The following ADARB2 variants were observed in gnomAD, a reference collection of about 807,000 sequenced individuals.
The protein encoded by ADARB2 is adenosine deaminase RNA specific B2 (inactive).
A neutral mutation model predicts 62.2 loss-of-function variants in ADARB2; 25 were observed. That is an observed-to-expected ratio of 0.40 (90% confidence interval 0.29 to 0.56). The LOEUF (loss-of-function observed/expected upper bound fraction) is 0.56, where lower values mean the gene tolerates loss of function less well. Among genes scored for constraint, ADARB2 ranks in the 20% least tolerant of loss-of-function variants. The probability of loss-of-function intolerance (pLI) is 0.43; values close to 1 mark genes in which losing one functional copy is unlikely to be tolerated. For missense variants in ADARB2, 1,071 were observed against 1,077.4 expected, an observed-to-expected ratio of 0.99 and a Z score of 0.08; for synonymous variants, 572 against 500.8, an observed-to-expected ratio of 1.14 and a Z score of -1.90.
intron 1 of ADARB2, among the ~76,000 whole-genome samples, chr10:1,594,387 T>C (rs1238874223): frequency 6.6e-6 from 1 of 152,142 alleles, no homozygotes; most frequent in East Asian, 1.9e-4. Flanking sequence ...CCTGTCCACA[T>C]AGCTGTAGGT....
chr10:1,675,334 AGGTTTG>A (rs1834452486), intron 1 of ADARB2: 1 of 979,532 alleles, frequency 1.0e-6, no homozygotes, highest in Admixed American at 6.4e-5. Flanking sequence ...AATGTTCTGG[AGGTTTG>A]GGTTTGGGGG....
intron 1 of ADARB2, among the ~76,000 whole-genome samples, chr10:1,482,061 G>C (rs931125343): frequency 6.6e-6 from 1 of 152,152 alleles, no homozygotes; most frequent in Non-Finnish European, 1.5e-5. Context: ...ATACCCATGA[G>C]GATGGCTATT....
At chr10:1,461,810 G>C (rs984266991) in intron 1 of ADARB2, among the ~76,000 whole-genome samples, 1 of 152,038 alleles carries the variant, frequency 6.6e-6, no homozygotes, top group Admixed American at 6.6e-5. Flanking sequence ...GACCATCCTG[G>C]CCAACATGGT....
At chr10:1,660,761 G>A (rs1362302635) in intron 1 of ADARB2, among the ~76,000 whole-genome samples, 1 of 152,160 alleles carries the variant, frequency 6.6e-6, no homozygotes, top group African/African-American at 2.4e-5. Context: ...CTTTTGATCC[G>A]CACTGTGTCA....
At chr10:1,708,460 A>G (rs536650231) in intron 1 of ADARB2, among the ~76,000 whole-genome samples, 1 of 152,310 alleles carries the variant, frequency 6.6e-6, no homozygotes, top group African/African-American at 2.4e-5. Context: ...GGAAGTATGA[A>G]TATGTTTGCC....
rs374350736 is a variant in ADARB2 at position 1,538,294 on chromosome 10, C to T, written c.101-159134G>A. Among the ~76,000 whole-genome samples, 23 of 152,336 alleles carry T rather than the reference C, an allele frequency of 1.5e-4. No individual in the cohort carries two copies. The East Asian group carries it at 1.9e-3, about 13-fold the overall frequency. ...AAGGAGGGAGCCCGTGGGTCTGTGCCGGCTGGTGGGTGTCCCACAGGGGTC... is the reference window on the plus strand; with the variant it reads ...AAGGAGGGAGCCCGTGGGTCTGTGCTGGCTGGTGGGTGTCCCACAGGGGTC... On this transcript the variant is annotated intron_variant, in intron 1 of 9. Transcript: ENST00000381312.
rs565802000 is a variant in ADARB2, at chr10:1,185,244, C to T, written c.1865-205G>A. On this transcript the variant is annotated intron_variant, in intron 8 of 9. Transcript: ENST00000381312. ...CGTGGTGGCCGCCTCGGGTCCACGG[C>T]GTCGCTGCACCTGCGTCAACCTTCT... 3.3e-5 allele frequency among the ~76,000 whole-genome samples: 5 copies of T among 152,332 alleles called. No homozygotes were observed. The East Asian group carries it at 5.8e-4, about 18-fold the overall frequency.
intron 1 of ADARB2, among the ~76,000 whole-genome samples, chr10:1,688,866 T>C (rs1013953910): frequency 5.3e-5 from 8 of 152,344 alleles, no homozygotes; most frequent in East Asian, 1.9e-4. Context: ...GACAGAGAGC[T>C]CTTTCCAAAC....
intron 1 of ADARB2, among the ~76,000 whole-genome samples, chr10:1,527,707 A>T (rs368866863): frequency 2.0e-5 from 3 of 152,214 alleles, no homozygotes; most frequent in East Asian, 1.9e-4. Flanking sequence ...CGGGGGTCAG[A>T]TAGTCTATCA....
At chr10:1,277,670 G>T (rs551049295) in intron 3 of ADARB2, among the ~76,000 whole-genome samples, 44 of 152,278 alleles carry the variant, frequency 2.9e-4, no homozygotes, top group African/African-American at 1.0e-3. Context: ...AATTCTACCA[G>T]AGGTAGAAGG....
chr10:1,632,278 CAT>C (rs948044541), intron 1 of ADARB2, among the ~76,000 whole-genome samples: 4 of 152,314 alleles, frequency 2.6e-5, no homozygotes, highest in South Asian at 4.1e-4. Flanking sequence ...ACTACACACA[CAT>C]ATGCACACAC....
intron 1 of ADARB2, among the ~76,000 whole-genome samples, chr10:1,631,994 G>T (rs545955709): frequency 6.6e-6 from 1 of 152,072 alleles, no homozygotes; most frequent in Non-Finnish European, 1.5e-5. Flanking sequence ...GAATGTGTCC[G>T]CTCTTCACAG....
At chr10:1,607,677 C>T (rs1236970258) in intron 1 of ADARB2, among the ~76,000 whole-genome samples, 2 of 152,210 alleles carry the variant, frequency 1.3e-5, no homozygotes, top group African/African-American at 4.8e-5. Flanking sequence ...CCCTAGGGAC[C>T]CTGCCCGCAG....
intron 3 of ADARB2, among the ~76,000 whole-genome samples, chr10:1,304,285 T>G (rs1831604880): frequency 6.6e-6 from 1 of 151,848 alleles, no homozygotes; most frequent in Non-Finnish European, 1.5e-5. Context: ...AGAAGGCCAT[T>G]ACATAATGGT....
intron 1 of ADARB2, among the ~76,000 whole-genome samples, chr10:1,721,147 T>G (rs10903551): frequency 5.9e-5 from 9 of 152,078 alleles, no homozygotes; most frequent in African/African-American, 9.6e-5. Context: ...TTCCTCTGCT[T>G]GAGGGGATGT....
At chr10:1,716,153 G>A (rs74669725) in intron 1 of ADARB2, among the ~76,000 whole-genome samples, 3 of 151,886 alleles carry the variant, frequency 2.0e-5, no homozygotes, top group Non-Finnish European at 2.9e-5. Context: ...CATACTCCTC[G>A]CCCGACTGCT....
chr10:1,215,025 G>A (rs1379600659), intron 7 of ADARB2, among the ~76,000 whole-genome samples: 2 of 152,016 alleles, frequency 1.3e-5, no homozygotes, highest in Admixed American at 1.3e-4. Context: ...AAGCCGGTCT[G>A]TGTAGATCCC....
intron 1 of ADARB2, among the ~76,000 whole-genome samples, chr10:1,631,753 C>T (rs773266460): frequency 2.2e-4 from 34 of 151,918 alleles, no homozygotes; most frequent in Non-Finnish European, 1.8e-4. Context: ...AAATGTGGCT[C>T]GGTTCACAGT....
At chr10:1,262,144 G>C (rs926456905) in intron 4 of ADARB2, among the ~76,000 whole-genome samples, 1 of 113,690 alleles carries the variant, frequency 8.8e-6, no homozygotes, top group Non-Finnish European at 1.7e-5. Flanking sequence ...GACTGTGGTG[G>C]GGTGGGGGGA....
Sources: gnomAD v4.1 joint callset for allele counts (sites outside exome capture counted in the v4.1 genomes callset) on GRCh38, gnomAD v4.1.1 for gene constraint, MANE v1.5 for transcripts, NCBI Gene and HGNC (gene_info 2026-07-23, HGNC 2026-07-21) for gene names.